Variants in EVA1C observed in about 807,000 individuals in gnomAD.
EVA1C encodes the protein protein eva-1 homolog C.
In EVA1C, 25 loss-of-function variants were observed where a neutral mutation model predicts 45.4. The observed-to-expected ratio is 0.55, with a 90% CI of 0.40 to 0.77. The LOEUF (loss-of-function observed/expected upper bound fraction) is 0.77. EVA1C is among the 30% of genes least tolerant of loss of function. The probability of loss-of-function intolerance (pLI) is 0.00; values close to 1 mark genes in which losing one functional copy is unlikely to be tolerated. For synonymous variants in EVA1C, 190 were observed against 221.2 expected (o/e 0.86, Z 1.25); for missense variants, 479 against 554.8 (o/e 0.86, Z 1.37).
chr21:32,475,879 TTATCTATCTATCTATC>T (rs10661334), intron 4 of EVA1C, among the ~76,000 whole-genome samples: 14 of 100,536 alleles, frequency 1.4e-4, no homozygotes, highest in Admixed American at 4.7e-4. Flanking sequence ...TCTAAAAACT[TTATCTATCTATCTATC>T]TATCTATCTA....
At chr21:32,511,939 G>A (rs2037969266) in intron 7 of EVA1C, among the ~76,000 whole-genome samples, 1 of 152,038 alleles carries the variant, frequency 6.6e-6, no homozygotes, top group Admixed American at 6.6e-5. Context: ...AGGAGAGTGG[G>A]TGAATAAACT....
At chr21:32,477,846 TCCC>T in intron 4 of EVA1C, among the ~76,000 whole-genome samples, 1 of 28,540 alleles carries the variant, frequency 3.5e-5, no homozygotes, top group African/African-American at 1.9e-4. Context: ...CGCCCTCACC[TCCC>T]CCGTACGCCC....
intron 5 of EVA1C, among the ~76,000 whole-genome samples, chr21:32,499,643 T>TA (rs2037466263): frequency 6.6e-6 from 1 of 152,246 alleles, no homozygotes; most frequent in African/African-American, 2.4e-5. Context: ...TGTTCTTTTA[T>TA]AAAAAAGCAG....
At chr21:32,450,512 T>G (rs1480509034) in intron 1 of EVA1C, among the ~76,000 whole-genome samples, 1 of 138 alleles carries the variant, frequency 7.2e-3, no homozygotes, top group African/African-American at 0.033. Context: ...CGGACCACAG[T>G]CCGGGAATGC....
rs372285754 is a variant in EVA1C at position 32,515,292 on chromosome 21, G to A, written c.*102G>A. The A allele has an allele frequency of 9.8e-5, 128 of 1,310,006 alleles. No individual in the cohort carries two copies. The East Asian group carries it at 1.5e-3, about 16-fold the overall frequency. The allele number at this position is 1,310,006 out of a possible 1,614,324, so 81.1% of individuals were successfully genotyped here. On this transcript the variant is annotated 3_prime_UTR_variant, in exon 8 of 8. Transcript: ENST00000300255. ...CTGTACCTTCTATGAAGGAGAATTCGTCATGTCATTCAACACTCGTGAGGC... is the reference window on the plus strand; with the variant it reads ...CTGTACCTTCTATGAAGGAGAATTCATCATGTCATTCAACACTCGTGAGGC...
intron 4 of EVA1C, among the ~76,000 whole-genome samples, chr21:32,489,572 G>A (rs1420767657): frequency 1.3e-5 from 2 of 152,148 alleles, no homozygotes; most frequent in East Asian, 3.9e-4. Flanking sequence ...AGATTGCTTT[G>A]GCTGTTCATG....
At chr21:32,456,348 G>C (rs2035783781) in intron 2 of EVA1C, among the ~76,000 whole-genome samples, 1 of 152,158 alleles carries the variant, frequency 6.6e-6, no homozygotes, top group Non-Finnish European at 1.5e-5. Flanking sequence ...TCCAGCTCAT[G>C]ACATAGTTTG....
intron 1 of EVA1C, among the ~76,000 whole-genome samples, chr21:32,426,300 C>T (rs1344085786): frequency 6.6e-6 from 1 of 152,076 alleles, no homozygotes; most frequent in Non-Finnish European, 1.5e-5. Flanking sequence ...ACTTGACGTG[C>T]GAGGATGTGT....
At chr21:32,493,679 C>T (rs1399147113) in intron 4 of EVA1C, 1 of 152,334 alleles carries the variant, frequency 6.6e-6, no homozygotes, top group Non-Finnish European at 1.5e-5. Flanking sequence ...CACTATCAGA[C>T]ACCAGCTCTC....
Position 32,504,009 on chromosome 21 carries a change from A to G in EVA1C, c.943A>G (p.Ile315Val), listed in dbSNP as rs751404995. The change falls in exon 7 of 8, where the codon ATT becomes GTT. Residue 315 changes from isoleucine (I) to valine (V), a missense_variant. Physicochemically the swap from Ile to Val is conservative, Grantham distance 29. Around this residue, in one of 3 missense-constraint regions of EVA1C, gnomAD observed 366 missense variants for 426.1 expected, o/e 0.86. Coordinates refer to ENST00000300255, the MANE Select transcript of EVA1C (RefSeq NM_058187.5). ...VSNSLAAFAYIRAHPERAALL... is the reference protein window; with the variant it reads ...VSNSLAAFAYVRAHPERAALL... ...CAACTCTCTGGCAGCCTTTGCTTAC[A>G]TTAGAGGTAGGTCAATGAATCAAAG... is the stretch of plus-strand genomic sequence containing the variant. 5.6e-6 allele frequency: 9 copies of G among 1,606,996 alleles called. No homozygotes were observed. The highest frequency in any genetic ancestry group is 5.5e-5 in the South Asian group (5 of 90,742).
In EVA1C at chr21:32,514,704, G is replaced by C. The variant is rs773708963; in HGVS notation, c.950-110G>C. The stretch of plus-strand genomic sequence containing the variant: ...AGACAGTCTCAAAGATGCTGGACTG[G>C]CATTCTTCATTAGCCCCCTGCTTGG... On this transcript the variant is annotated intron_variant, in intron 7 of 7. Transcript: ENST00000300255. 1,118 of 1,236,286 alleles carry C rather than the reference G, an allele frequency of 9.0e-4. 1 individual carries two copies. The highest frequency in any genetic ancestry group is 1.1e-3 in the Non-Finnish European group (1,027 of 911,396). 76.6% of individuals were successfully genotyped at this position (1,236,286 alleles called of 1,614,324 possible). A position where few individuals can be genotyped will look rare whatever the true frequency, so the allele number is the denominator to read the frequency against.
At chr21:32,418,687 A>G (rs932169227) in intron 1 of EVA1C, among the ~76,000 whole-genome samples, 2 of 152,134 alleles carry the variant, frequency 1.3e-5, no homozygotes, top group African/African-American at 4.8e-5. Flanking sequence ...GGCTGGCCAG[A>G]GTACAGGGAT....
intron 4 of EVA1C, among the ~76,000 whole-genome samples, chr21:32,479,544 G>T (rs919301957): frequency 2.0e-5 from 3 of 152,206 alleles, no homozygotes; most frequent in Non-Finnish European, 2.9e-5. Context: ...TCAGAGCTCA[G>T]TGTCAACAAA....
Position 32,495,172 on chromosome 21 carries a change from T to C in EVA1C, c.778+2T>C, listed in dbSNP as rs1225006285. The C allele has an allele frequency of 3.1e-6, 5 of 1,613,740 alleles. No individual in the cohort carries two copies. The highest frequency in any genetic ancestry group is 4.2e-6 in the Non-Finnish European group (5 of 1,179,950). On this transcript the variant is annotated splice_donor_variant, in intron 5 of 7. Coordinates refer to ENST00000300255, the MANE Select transcript of EVA1C (RefSeq NM_058187.5). LOFTEE classifies it high-confidence loss of function. ...ACCTCACTGTGACCTACGCATGTGG[T>C]AAGAACACACCCCCGACCAGCTGCC... is the stretch of plus-strand genomic sequence containing the variant.
intron 4 of EVA1C, among the ~76,000 whole-genome samples, chr21:32,482,669 T>C (rs1260413430): frequency 1.3e-5 from 2 of 152,178 alleles, no homozygotes; most frequent in African/African-American, 4.8e-5. Context: ...CCCCAGCAGC[T>C]GTCAGCCCAA....
At chr21:32,507,828 CAT>C (rs1184139786) in intron 7 of EVA1C, among the ~76,000 whole-genome samples, 3 of 145,416 alleles carry the variant, frequency 2.1e-5, no homozygotes, top group Admixed American at 6.8e-5. Context: ...ATGTGTGTTG[CAT>C]GTGTGTGCAT....
intron 4 of EVA1C, among the ~76,000 whole-genome samples, chr21:32,484,263 C>G (rs2036894639): frequency 6.6e-6 from 1 of 152,116 alleles, no homozygotes; most frequent in African/African-American, 2.4e-5. Context: ...TTGGGGTGGA[C>G]CAGGCGCAGT....
chr21:32,480,554 G>C (rs1232880541), intron 4 of EVA1C, among the ~76,000 whole-genome samples: 3 of 152,098 alleles, frequency 2.0e-5, no homozygotes, highest in Non-Finnish European at 2.9e-5. Flanking sequence ...CATAGTCCCA[G>C]CTACTCGGGA....
intron 1 of EVA1C, among the ~76,000 whole-genome samples, chr21:32,438,486 C>CA (rs35688820): frequency 0.46 from 26,406 of 57,246 alleles, 5,490 homozygotes; most frequent in Middle Eastern, 0.52. Flanking sequence ...GACTCTGTCT[C>CA]AAAAAAAAAA....
Sources: allele counts gnomAD v4.1 joint callset (sites outside exome capture counted in the v4.1 genomes callset), GRCh38; gene constraint gnomAD v4.1.1; regional missense constraint gnomAD v4.1.1; transcripts MANE v1.5; gene names NCBI Gene and HGNC (gene_info 2026-07-23, HGNC 2026-07-21).